Variants in FOXP2 observed in about 807,000 individuals in gnomAD.
FOXP2 encodes forkhead box P2, also known as forkhead box protein P2.
In FOXP2, 12 loss-of-function variants were observed where a neutral mutation model predicts 115.8. The ratio of observed to expected loss-of-function variants is 0.10; its 90% confidence interval spans 0.07 to 0.17. FOXP2 has a LOEUF of 0.17. FOXP2 is among the 10% of genes least tolerant of loss of function. The pLI, the probability that FOXP2 is intolerant of heterozygous loss-of-function variation, is 1.00. For missense variants in FOXP2, 629 were observed against 843.5 expected (o/e 0.75, Z 3.15); for synonymous variants, 328 against 297.7 (o/e 1.10, Z -1.05).
intron 3 of FOXP2, among the ~76,000 whole-genome samples, chr7:114,536,669 A>G (rs1407726689): frequency 6.6e-6 from 1 of 151,286 alleles, no homozygotes; most frequent in Non-Finnish European, 1.5e-5. Flanking sequence ...GACTACAAAG[A>G]CTTTCATTGT....
intron 2 of FOXP2, among the ~76,000 whole-genome samples, chr7:114,469,358 A>G (rs1257188780): frequency 2.0e-5 from 3 of 152,182 alleles, no homozygotes; most frequent in Non-Finnish European, 4.4e-5. Context: ...GAAAACAAGA[A>G]AGTGCAAAAC....
intron 3 of FOXP2, among the ~76,000 whole-genome samples, chr7:114,582,611 AG>A (rs1475424696): frequency 6.6e-6 from 1 of 152,194 alleles, no homozygotes; most frequent in Non-Finnish European, 1.5e-5. Context: ...TTTTCCTCAG[AG>A]TTGATGGATT....
chr7:114,233,305 A>G (rs1020527027), intron 1 of FOXP2, among the ~76,000 whole-genome samples: 1 of 152,222 alleles, frequency 6.6e-6, no homozygotes, highest in African/African-American at 2.4e-5. Flanking sequence ...TCATCATTTC[A>G]TCTTTATCCT....
At chr7:114,642,812 A>ATATATATTTT (rs1308357594) in intron 7 of FOXP2, among the ~76,000 whole-genome samples, 189 bp downstream of exon 7, 1 of 72,434 alleles carries the variant, frequency 1.4e-5, no homozygotes, top group South Asian at 5.7e-4. Flanking sequence ...ATATATATAT[A>ATATATATTTT]TTTTTTTTTT....
At position 114,691,929 on chromosome 7, in the gene FOXP2, C is replaced by CA. The variant is rs746621983; in HGVS notation, c.*2016dup. On this transcript the variant is annotated 3_prime_UTR_variant, in exon 17 of 17. Transcript: ENST00000350908. ...GGCTTTCTGAAAGCTTCTACCTCTG[C>CA]AAAAAAAAAAAAAGAAAAAAAAAAA... is the stretch of plus-strand genomic sequence containing the variant. 0.048 allele frequency: 10,955 copies of CA among 228,856 alleles called. No individual in the cohort carries two copies. Among genetic ancestry groups the CA allele is most frequent in the Middle Eastern group, 0.1 (63 of 620 alleles). 14.2% of individuals were successfully genotyped at this position (228,856 alleles called of 1,614,324 possible). A position where few individuals can be genotyped will look rare whatever the true frequency, so the allele number is the denominator to read the frequency against.
intron 8 of FOXP2, among the ~76,000 whole-genome samples, chr7:114,647,208 A>G (rs1385304746): frequency 4.0e-5 from 6 of 151,892 alleles, no homozygotes; most frequent in East Asian, 1.9e-4. Context: ...GACATATGTT[A>G]CATTAAAAAG....
chr7:114,420,076 A>G (rs1037485239), intron 1 of FOXP2, among the ~76,000 whole-genome samples: 1 of 151,938 alleles, frequency 6.6e-6, no homozygotes, highest in African/African-American at 2.4e-5. Flanking sequence ...CAGGAAAAAC[A>G]GCAAGGGATC....
intron 1 of FOXP2, among the ~76,000 whole-genome samples, chr7:114,102,385 A>C (rs1313183912): frequency 6.6e-6 from 1 of 152,182 alleles, no homozygotes; most frequent in African/African-American, 2.4e-5. Context: ...AGGTCTCTAT[A>C]GTAAATGATA....
intron 1 of FOXP2, among the ~76,000 whole-genome samples, chr7:114,096,838 CTTA>C (rs1799663677): frequency 6.6e-6 from 1 of 152,172 alleles, no homozygotes; most frequent in South Asian, 2.1e-4. Context: ...TGTTTATCTT[CTTA>C]TTCCTAGAAT....
chr7:114,388,812 T>C (rs1792519515), intron 2 of FOXP2, among the ~76,000 whole-genome samples: 1 of 152,166 alleles, frequency 6.6e-6, no homozygotes, highest in Non-Finnish European at 1.5e-5. Context: ...ATTAGAAATG[T>C]TATAAAGCAC....
intron 1 of FOXP2, among the ~76,000 whole-genome samples, chr7:114,154,229 G>A (rs1421494198): frequency 6.6e-6 from 1 of 152,092 alleles, no homozygotes; most frequent in East Asian, 1.9e-4. Flanking sequence ...AAGCATTAAT[G>A]TCTAGACTAT....
intron 3 of FOXP2, among the ~76,000 whole-genome samples, chr7:114,566,224 A>G (rs1801012442): frequency 6.6e-6 from 1 of 152,200 alleles, no homozygotes; most frequent in African/African-American, 2.4e-5. Context: ...AACGTGAAGA[A>G]TGTTCATACT....
chr7:114,550,299 G>T (rs979154119), intron 3 of FOXP2, among the ~76,000 whole-genome samples: 8 of 151,838 alleles, frequency 5.3e-5, no homozygotes, highest in Non-Finnish European at 1.2e-4. Context: ...TGTATTTTTA[G>T]TAGAGACGGG....
chr7:114,324,322 T>G (rs1797503692), intron 2 of FOXP2, among the ~76,000 whole-genome samples: 1 of 151,966 alleles, frequency 6.6e-6, no homozygotes, highest in African/African-American at 2.4e-5. Flanking sequence ...GTAGAAAATC[T>G]CATTTTAAAA....
At chr7:114,111,059 TAGA>T (rs770291606) in intron 1 of FOXP2, among the ~76,000 whole-genome samples, 10 of 152,038 alleles carry the variant, frequency 6.6e-5, no homozygotes, top group East Asian at 1.9e-4. Flanking sequence ...ATCAGAGGAT[TAGA>T]AGAAGAAGTA....
intron 1 of FOXP2, among the ~76,000 whole-genome samples, chr7:114,165,861 AAGACTT>A (rs1349999614): frequency 6.6e-6 from 1 of 152,218 alleles, no homozygotes; most frequent in Non-Finnish European, 1.5e-5. Context: ...CTCCAACTTT[AAGACTT>A]AGTATAAAGC....
intron 1 of FOXP2, among the ~76,000 whole-genome samples, chr7:114,241,543 C>T (rs914971129): frequency 6.6e-6 from 1 of 151,814 alleles, no homozygotes; most frequent in Non-Finnish European, 1.5e-5. Context: ...TACAGATTGG[C>T]CTTCATATGG....
At chr7:114,319,707 G>T (rs550889980) in intron 2 of FOXP2, among the ~76,000 whole-genome samples, 2 of 152,222 alleles carry the variant, frequency 1.3e-5, no homozygotes, top group African/African-American at 4.8e-5. Flanking sequence ...GGAACTACAC[G>T]ATGAGATTTG....
At chr7:114,310,347 T>A (rs937543988) in intron 2 of FOXP2, among the ~76,000 whole-genome samples, 3 of 152,200 alleles carry the variant, frequency 2.0e-5, no homozygotes, top group Non-Finnish European at 4.4e-5. Flanking sequence ...GGCTCTTGAA[T>A]GTACCATTTC....
Sources: gnomAD v4.1 joint callset for allele counts (sites outside exome capture counted in the v4.1 genomes callset) on GRCh38, gnomAD v4.1.1 for gene constraint, MANE v1.5 for transcripts, NCBI Gene and HGNC (gene_info 2026-07-23, HGNC 2026-07-21) for gene names.